PARP15: variants seen among roughly 807,000 people sequenced by gnomAD.
PARP15 encodes the protein poly(ADP-ribose) polymerase family member 15.
PARP15 carries 50 observed loss-of-function variants against 62.1 expected under a neutral mutation model. The observed-to-expected ratio is 0.81, with a 90% CI of 0.64 to 1.02. The LOEUF is 1.02. PARP15 is among the 50% of genes least tolerant of loss of function. PARP15 has a pLI of 0.00. For synonymous variants in PARP15, 309 were observed against 293.1 expected (o/e 1.05, Z -0.55); for missense variants, 820 against 826.5 (o/e 0.99, Z 0.10).
chr3:122,605,828 C>T (rs1935125053), intron 1 of PARP15, 108 bp from the exon 2 acceptor site: 1 of 1,132,884 alleles, frequency 8.8e-7, no homozygotes, highest in East Asian at 2.7e-5. Flanking sequence ...GTGATTCTCC[C>T]ACCTAGTCTT....
At chr3:122,610,452 G>A in intron 2 of PARP15, 42 bp from the exon 3 acceptor site, 3 of 1,466,884 alleles carry the variant, frequency 2.0e-6, no homozygotes, top group Non-Finnish European at 2.8e-6. Context: ...CCATCATTAT[G>A]TATTATTGAT....
At chr3:122,608,213 C>CTTTTTTTTTTTTTTTTTTTTT (rs71136576) in intron 2 of PARP15, among the ~76,000 whole-genome samples, 5 of 113,906 alleles carry the variant, frequency 4.4e-5, no homozygotes, top group African/African-American at 6.8e-5. Context: ...TTTCTCTTTT[C>CTTTTTTTTTTTTTTTTTTTTT]TTTTTTTTTT....
intron 1 of PARP15, among the ~76,000 whole-genome samples, chr3:122,591,902 G>A (rs572874221): frequency 1.3e-5 from 2 of 151,994 alleles, no homozygotes; most frequent in South Asian, 2.1e-4. Flanking sequence ...ACCATCTCAC[G>A]CCAATCAGAA....
intron 2 of PARP15, among the ~76,000 whole-genome samples, chr3:122,609,003 C>T (rs1339544992): frequency 1.3e-5 from 2 of 152,094 alleles, no homozygotes; most frequent in African/African-American, 4.8e-5. Context: ...GATCTTCCTG[C>T]CTCATCCTCC....
intron 8 of PARP15, among the ~76,000 whole-genome samples, chr3:122,624,829 A>G (rs73856212): frequency 0.023 from 3,522 of 152,202 alleles, 137 homozygotes; most frequent in African/African-American, 0.078. Flanking sequence ...ATTCACCATT[A>G]TACATAATTG....
intron 10 of PARP15, among the ~76,000 whole-genome samples, chr3:122,632,754 G>T (rs768448044): frequency 2.6e-5 from 4 of 152,232 alleles, no homozygotes; most frequent in Non-Finnish European, 5.9e-5. Flanking sequence ...CCATCTCCGT[G>T]TCTAGGGAAT....
chr3:122,608,133 A>G (rs896782443), intron 2 of PARP15, among the ~76,000 whole-genome samples: 2 of 151,016 alleles, frequency 1.3e-5, no homozygotes, highest in Non-Finnish European at 2.9e-5. Flanking sequence ...TCTTCTCACT[A>G]CTGAACCTCT....
chr3:122,603,228 A>G (rs1388840648), intron 1 of PARP15, among the ~76,000 whole-genome samples: 2 of 152,152 alleles, frequency 1.3e-5, no homozygotes, highest in Non-Finnish European at 2.9e-5. Context: ...CCTGCCTAAA[A>G]TGCATCACCT....
intron 1 of PARP15, among the ~76,000 whole-genome samples, chr3:122,593,615 A>G (rs1934118710): frequency 6.6e-6 from 1 of 152,230 alleles, no homozygotes; most frequent in African/African-American, 2.4e-5. Flanking sequence ...ATGCAAATAT[A>G]TAGATAAAAT....
chr3:122,578,055 T>G (rs1324208407), intron 1 of PARP15, among the ~76,000 whole-genome samples: 4 of 151,260 alleles, frequency 2.6e-5, no homozygotes, highest in Non-Finnish European at 4.4e-5. Context: ...CTGGTGGTTT[T>G]TTTTTTTTTT....
chr3:122,592,749 C>T (rs1934025564), intron 1 of PARP15, among the ~76,000 whole-genome samples: 1 of 152,082 alleles, frequency 6.6e-6, no homozygotes, highest in Non-Finnish European at 1.5e-5. Context: ...TATCATTATC[C>T]TCACTTTCTG....
At position 122,605,950 on chromosome 3, in the gene PARP15, G is replaced by A; in HGVS notation, c.201G>A (p.Lys67=). 1 of 1,551,504 alleles carries A rather than the reference G, an allele frequency of 6.4e-7. No individual in the cohort carries two copies. The highest frequency in any genetic ancestry group is 8.7e-7 in the Non-Finnish European group (1 of 1,146,838). Reference sequence around the variant, plus strand: ...TTTCTCCACAGTCCAGAGACAACAAGTTCAGCAAGAAAGATTGTCTTTCAA... The same window carrying A: ...TTTCTCCACAGTCCAGAGACAACAAATTCAGCAAGAAAGATTGTCTTTCAA... ...SSSRSMSRDN[K]FSKKDCLSIR... Residue 67 remains lysine (K), a synonymous_variant, in exon 2 of 12, where the codon AAG becomes AAA. Coordinates refer to ENST00000464300, the MANE Select transcript of PARP15 (RefSeq NM_001113523.3).
chr3:122,590,948 G>A (rs1213431485), intron 1 of PARP15, among the ~76,000 whole-genome samples: 1 of 152,108 alleles, frequency 6.6e-6, no homozygotes, highest in African/African-American at 2.4e-5. Flanking sequence ...GTGGATGATC[G>A]CCATCATTTA....
rs181082871 is a variant in PARP15 at position 122,610,432 on chromosome 3, T to G, written c.307-62T>G. ...ATTACCCCACAATACTTAGTAAATT[T>G]ACAGTTGCTCCATCATTATGTATTA... On this transcript the variant is annotated intron_variant, in intron 2 of 11. Transcript: ENST00000464300. The G allele has an allele frequency of 3.6e-6, 5 of 1,395,952 alleles. No homozygotes were observed. The Admixed American group carries it at 8.7e-5, about 24-fold the overall frequency. 86.5% of individuals were successfully genotyped at this position (1,395,952 alleles called of 1,614,324 possible).
intron 8 of PARP15, among the ~76,000 whole-genome samples, chr3:122,624,153 A>G (rs1173978109): frequency 3.7e-5 from 4 of 107,812 alleles, no homozygotes; most frequent in Non-Finnish European, 9.7e-5. Context: ...TCTATCTCGG[A>G]AAAAAAAAAA....
chr3:122,600,837 G>A (rs1038038942), intron 1 of PARP15, among the ~76,000 whole-genome samples: 1 of 150,468 alleles, frequency 6.6e-6, no homozygotes, highest in African/African-American at 2.5e-5. Flanking sequence ...AGTAGTTTTA[G>A]GTACACAGAA....
chr3:122,632,616 G>C (rs1055989769), intron 10 of PARP15, among the ~76,000 whole-genome samples: 6 of 152,200 alleles, frequency 3.9e-5, no homozygotes, highest in Admixed American at 3.9e-4. Flanking sequence ...TTTAAGGCTG[G>C]ACTCTCCTTG....
At chr3:122,608,051 A>G (rs900188264) in intron 2 of PARP15, among the ~76,000 whole-genome samples, 8 of 152,022 alleles carry the variant, frequency 5.3e-5, no homozygotes, top group African/African-American at 1.9e-4. Context: ...CCTACTACCT[A>G]TAGGGCAAAG....
chr3:122,596,075 A>G (rs1057107571), intron 1 of PARP15, among the ~76,000 whole-genome samples: 3 of 151,216 alleles, frequency 2.0e-5, no homozygotes, highest in African/African-American at 7.3e-5. Flanking sequence ...ATGCATAAAC[A>G]TGGCTGGGTG....
Sources: gnomAD v4.1 joint callset for allele counts (sites outside exome capture counted in the v4.1 genomes callset) on GRCh38, gnomAD v4.1.1 for gene constraint, MANE v1.5 for transcripts, NCBI Gene and HGNC (gene_info 2026-07-23, HGNC 2026-07-21) for gene names.